The following SDCCAG8 variants were observed in gnomAD, a reference collection of about 807,000 sequenced individuals.
The protein encoded by SDCCAG8 is SHH signaling and ciliogenesis regulator SDCCAG8.
In SDCCAG8, 74 loss-of-function variants were observed where a neutral mutation model predicts 101.8. The observed-to-expected ratio is 0.73, with a 90% CI of 0.60 to 0.88. SDCCAG8 has a LOEUF of 0.88. Ranked by LOEUF, SDCCAG8 falls within the 40% of genes least tolerant of loss-of-function variation. The pLI is 0.00. For missense variants in SDCCAG8, 787 were observed against 822.6 expected, an observed-to-expected ratio of 0.96 and a Z score of 0.53; for synonymous variants, 281 against 292.9, an observed-to-expected ratio of 0.96 and a Z score of 0.41.
At position 243,286,228 on chromosome 1, in the gene SDCCAG8, C is replaced by T. The variant is rs754160992; in HGVS notation, c.421-44C>T. 5.5e-5 allele frequency: 88 copies of T among 1,597,458 alleles called. No individual in the cohort carries two copies. The East Asian group carries it at 7.6e-4, about 14-fold the overall frequency. On this transcript the variant is annotated intron_variant, in intron 4 of 17. Transcript: ENST00000366541. ...CCCTCTAATAATCAACAAATAAAAA[C>T]ACTGCTTAATAATGCTTAATGTGTT...
At chr1:243,379,745 A>G (rs1406981672) in intron 13 of SDCCAG8, among the ~76,000 whole-genome samples, 1 of 152,224 alleles carries the variant, frequency 6.6e-6, no homozygotes. Context: ...TTAAATAAAC[A>G]TGTAAGTTCA....
At chr1:243,498,685 G>A (rs145344430) in intron 17 of SDCCAG8, among the ~76,000 whole-genome samples, 4 of 152,300 alleles carry the variant, frequency 2.6e-5, no homozygotes, top group East Asian at 1.9e-4. Flanking sequence ...TCTTGAATGC[G>A]GATTCAGTTT....
Position 243,430,189 on chromosome 1 carries a change from G to A in SDCCAG8, c.1985+3631G>A, listed in dbSNP as rs368554855. Among the ~76,000 whole-genome samples the A allele has an allele frequency of 2.3e-3, 344 of 152,158 alleles. 1 individual carries two copies. The highest frequency in any genetic ancestry group is 3.9e-3 in the Non-Finnish European group (266 of 67,980). On this transcript the variant is annotated intron_variant, in intron 16 of 17. Coordinates refer to ENST00000366541, the MANE Select transcript of SDCCAG8 (RefSeq NM_006642.5). ...TCAATGAGAACATGACATTTGAATC[G>A]GTAAGCAGTGGGATTAGATCAGGAA...
intron 4 of SDCCAG8, among the ~76,000 whole-genome samples, chr1:243,277,772 T>C (rs1478419260): frequency 1.3e-5 from 2 of 152,222 alleles, no homozygotes; most frequent in Non-Finnish European, 2.9e-5. Context: ...ATTTTATAAT[T>C]GTTTATTTTA....
intron 16 of SDCCAG8, among the ~76,000 whole-genome samples, chr1:243,473,924 G>T (rs1193468214): frequency 1.9e-5 from 2 of 104,632 alleles, no homozygotes; most frequent in African/African-American, 3.8e-5. Context: ...GTTGCCGGCG[G>T]GGGGGGGGGG....
intron 13 of SDCCAG8, among the ~76,000 whole-genome samples, chr1:243,395,191 C>G (rs182617453): frequency 1.3e-5 from 2 of 152,202 alleles, no homozygotes; most frequent in South Asian, 4.1e-4. Context: ...GTTTTTGAAA[C>G]GCAGTTTACT....
rs7519396 is a variant in SDCCAG8, at chr1:243,361,816, C to T, written c.1474-16905C>T. Among the ~76,000 whole-genome samples, 413 of 152,376 alleles carry T rather than the reference C, an allele frequency of 2.7e-3. 4 individuals carry two copies. The highest frequency in any genetic ancestry group is 9.3e-3 in the African/African-American group (387 of 41,594). ...CTCACAGCACCTCATTCCCCTCCTT[C>T]ATGGAGCTTATTATAAGTTTTTTAT... is the stretch of plus-strand genomic sequence containing the variant. On this transcript the variant is annotated intron_variant, in intron 12 of 17. Coordinates refer to ENST00000366541, the MANE Select transcript of SDCCAG8 (RefSeq NM_006642.5).
At chr1:243,383,185 TAAA>T (rs2078064528) in intron 13 of SDCCAG8, among the ~76,000 whole-genome samples, 1 of 152,154 alleles carries the variant, frequency 6.6e-6, no homozygotes, top group African/African-American at 2.4e-5. Flanking sequence ...AAGAAAAGAA[TAAA>T]GAAGAATGAT....
chr1:243,460,243 C>T (rs1237955077), intron 16 of SDCCAG8, among the ~76,000 whole-genome samples: 1 of 152,114 alleles, frequency 6.6e-6, no homozygotes, highest in Non-Finnish European at 1.5e-5. Context: ...ATAGAAGCCT[C>T]TATTGAGATA....
At chr1:243,355,717 C>T (rs868121553) in intron 12 of SDCCAG8, among the ~76,000 whole-genome samples, 9 of 152,092 alleles carry the variant, frequency 5.9e-5, no homozygotes, top group Non-Finnish European at 1.0e-4. Flanking sequence ...GTGATCATCC[C>T]GCCTCCACCT....
intron 8 of SDCCAG8, among the ~76,000 whole-genome samples, chr1:243,314,869 C>G (rs2073095575): frequency 6.6e-6 from 1 of 152,152 alleles, no homozygotes; most frequent in Admixed American, 6.5e-5. Context: ...ACTACCACAC[C>G]CAGCTAATTT....
intron 1 of SDCCAG8, chr1:243,267,525 C>T (rs1276961401): frequency 2.5e-6 from 1 of 400,764 alleles, no homozygotes; most frequent in East Asian, 6.0e-5. Flanking sequence ...TCGCTTGAAC[C>T]CGAGAGGCGG....
chr1:243,286,157 C>A, intron 4 of SDCCAG8, 115 bp from the exon 5 acceptor site: 1 of 1,071,692 alleles, frequency 9.3e-7, no homozygotes, highest in African/African-American at 1.6e-5. Flanking sequence ...AATTATATTT[C>A]AGGAAAAGGA....
chr1:243,385,643 C>T (rs1573721699), intron 13 of SDCCAG8, among the ~76,000 whole-genome samples: 1 of 152,140 alleles, frequency 6.6e-6, no homozygotes, highest in African/African-American at 2.4e-5. Context: ...ATCAAACAGA[C>T]ACCTAACAAG....
chr1:243,367,815 T>C (rs2077067407), intron 12 of SDCCAG8, among the ~76,000 whole-genome samples: 1 of 150,636 alleles, frequency 6.6e-6, no homozygotes. Context: ...TAAATATACA[T>C]GTGTATAAAA....
At chr1:243,418,110 T>C in intron 15 of SDCCAG8, 34 bp downstream of exon 15, 1 of 1,418,124 alleles carries the variant, frequency 7.1e-7, no homozygotes. Context: ...TCAAGAGCAC[T>C]GTTTGTGTGA....
At chr1:243,438,193 AG>A (rs2082276875) in intron 16 of SDCCAG8, among the ~76,000 whole-genome samples, 1 of 152,094 alleles carries the variant, frequency 6.6e-6, no homozygotes. Context: ...GCTGTGGAAA[AG>A]TGTTCAATAA....
chr1:243,342,798 A>G (rs562518083), intron 11 of SDCCAG8, among the ~76,000 whole-genome samples: 1 of 152,264 alleles, frequency 6.6e-6, no homozygotes, highest in African/African-American at 2.4e-5. Context: ...TCTCACATTG[A>G]AGGCATTTGA....
intron 8 of SDCCAG8, among the ~76,000 whole-genome samples, chr1:243,310,760 A>G (rs2072644733): frequency 6.6e-6 from 1 of 152,222 alleles, no homozygotes; most frequent in East Asian, 1.9e-4. Flanking sequence ...CCTTTGAAAC[A>G]AACAAAAAGG....
Sources: allele counts gnomAD v4.1 joint callset (sites outside exome capture counted in the v4.1 genomes callset), GRCh38; gene constraint gnomAD v4.1.1; transcripts MANE v1.5; gene names NCBI Gene and HGNC (gene_info 2026-07-23, HGNC 2026-07-21).